The following ZBTB20 variants were observed in gnomAD, a reference collection of about 807,000 sequenced individuals.
ZBTB20 encodes the protein zinc finger and BTB domain containing 20.
In ZBTB20, 9 loss-of-function variants were observed where a neutral mutation model predicts 56.9. That is an observed-to-expected ratio of 0.16 (90% confidence interval 0.10 to 0.28). The LOEUF is 0.28. Among genes scored for constraint, ZBTB20 ranks in the 10% least tolerant of loss-of-function variants. The pLI is 1.00. For synonymous variants in ZBTB20, 417 were observed against 420.7 expected, an observed-to-expected ratio of 0.99 and a Z score of 0.11; for missense variants, 655 against 1,003.0, an observed-to-expected ratio of 0.65 and a Z score of 4.69.
intron 10 of ZBTB20, chr3:114,356,156 A>G (rs935511799): frequency 1.3e-5 from 2 of 152,214 alleles, no homozygotes; most frequent in African/African-American, 2.4e-5. Flanking sequence ...CTGCGAGAGC[A>G]CAACACAGAC....
intron 6 of ZBTB20, among the ~76,000 whole-genome samples, chr3:114,561,655 C>T (rs1451344746): frequency 1.3e-5 from 2 of 151,984 alleles, no homozygotes; most frequent in South Asian, 2.1e-4. Context: ...AACAGATATG[C>T]TCTTGTCCTG....
rs1560070528 is a variant in ZBTB20, at chr3:114,329,495, A to C, written c.*9510T>G. 1 of 152,056 alleles carries C rather than the reference A, an allele frequency of 6.6e-6. No individual in the cohort carries two copies. The highest frequency in any genetic ancestry group is 1.5e-5 in the Non-Finnish European group (1 of 68,012). 9.4% of individuals were successfully genotyped at this position (152,056 alleles called of 1,614,324 possible). ...ATTGTATAGGAAGACAGAATGCCTG[A>C]TTTCTGAAGTTTTCTTGATGGCCCA... On this transcript the variant is annotated 3_prime_UTR_variant, in exon 12 of 12. Transcript: ENST00000675478.
chr3:114,796,140 A>G (rs2071326318), intron 5 of ZBTB20, among the ~76,000 whole-genome samples: 1 of 151,968 alleles, frequency 6.6e-6, no homozygotes. Context: ...CAGGGTCACT[A>G]CAGGTGGTAA....
At chr3:114,359,668 T>A (rs530632421) in intron 10 of ZBTB20, among the ~76,000 whole-genome samples, 1 of 152,326 alleles carries the variant, frequency 6.6e-6, no homozygotes, top group South Asian at 2.1e-4. Flanking sequence ...AATACAGAGA[T>A]GCTACATCCG....
chr3:114,587,367 T>G (rs1199600686), intron 6 of ZBTB20, among the ~76,000 whole-genome samples: 1 of 152,150 alleles, frequency 6.6e-6, no homozygotes, highest in African/African-American at 2.4e-5. Context: ...GTACACTATC[T>G]GGGGAAGCAA....
At chr3:114,408,737 T>G (rs989417601) in intron 7 of ZBTB20, among the ~76,000 whole-genome samples, 6 of 151,876 alleles carry the variant, frequency 4.0e-5, no homozygotes, top group African/African-American at 1.5e-4. Context: ...CCCCAATTTT[T>G]TGCAGTTTAA....
chr3:114,957,632 C>G (rs1037545608), intron 3 of ZBTB20, among the ~76,000 whole-genome samples: 1 of 152,182 alleles, frequency 6.6e-6, no homozygotes, highest in Non-Finnish European at 1.5e-5. Context: ...CAGGATTTAA[C>G]ATCATATCTT....
chr3:114,989,365 T>C (rs1478507568), intron 2 of ZBTB20, among the ~76,000 whole-genome samples: 1 of 152,212 alleles, frequency 6.6e-6, no homozygotes, highest in Non-Finnish European at 1.5e-5. Flanking sequence ...GGGAATCCTT[T>C]CCCTATTTCT....
At chr3:115,103,795 T>G (rs1380770328) in intron 1 of ZBTB20, among the ~76,000 whole-genome samples, 1 of 152,218 alleles carries the variant, frequency 6.6e-6, no homozygotes, top group East Asian at 1.9e-4. Context: ...TCACAATGAC[T>G]ATTTTAGATA....
intron 6 of ZBTB20, among the ~76,000 whole-genome samples, chr3:114,551,569 T>C (rs1042792278): frequency 6.6e-6 from 1 of 152,060 alleles, no homozygotes; most frequent in Non-Finnish European, 1.5e-5. Flanking sequence ...ATTTGATATA[T>C]GGAAATGAAG....
intron 6 of ZBTB20, among the ~76,000 whole-genome samples, chr3:114,690,252 C>T (rs935469704): frequency 2.0e-5 from 3 of 152,026 alleles, no homozygotes; most frequent in African/African-American, 7.2e-5. Flanking sequence ...AAGGGTTAGG[C>T]ACATCAATAT....
At chr3:115,115,291 C>A (rs1319922604) in intron 1 of ZBTB20, among the ~76,000 whole-genome samples, 2 of 151,988 alleles carry the variant, frequency 1.3e-5, no homozygotes, top group African/African-American at 4.8e-5. Context: ...CCATTCAAAT[C>A]GACCACTCCA....
At chr3:114,866,485 G>A (rs1035742133) in intron 4 of ZBTB20, among the ~76,000 whole-genome samples, 13 of 152,148 alleles carry the variant, frequency 8.5e-5, no homozygotes, top group African/African-American at 2.9e-4. Flanking sequence ...TAATTTTATA[G>A]GTCAACTTGA....
chr3:114,607,871 C>A (rs571940133), intron 6 of ZBTB20, among the ~76,000 whole-genome samples: 5 of 152,288 alleles, frequency 3.3e-5, no homozygotes, highest in African/African-American at 1.2e-4. Flanking sequence ...TATATGGTTA[C>A]AGTCCCCAAA....
chr3:114,787,368 T>TACACACACAC lies in ZBTB20; in HGVS notation c.-343+13723_-343+13732dup, dbSNP rs1300106922. 7.5e-5 allele frequency among the ~76,000 whole-genome samples: 8 copies of TACACACACAC among 106,328 alleles called. 1 individual carries two copies. The highest frequency in any genetic ancestry group is 2.7e-4 in the African/African-American group (6 of 22,026). 69.8% of individuals were successfully genotyped at this position (106,328 alleles called of 152,430 possible). A position where few individuals can be genotyped will look rare whatever the true frequency, so the allele number is the denominator to read the frequency against. On this transcript the variant is annotated intron_variant, in intron 5 of 11. Coordinates refer to ENST00000675478, the MANE Select transcript of ZBTB20 (RefSeq NM_001348800.3). ...ATATATATATATATATATATATATA[T>TACACACACAC]ACACACACACACACACACACACACA...
intron 4 of ZBTB20, among the ~76,000 whole-genome samples, chr3:114,826,149 G>A (rs1461333139): frequency 6.6e-6 from 1 of 151,656 alleles, no homozygotes; most frequent in Non-Finnish European, 1.5e-5. Context: ...TGTATACTAA[G>A]GTCACAGGTG....
chr3:114,454,080 G>A (rs1240350929), intron 7 of ZBTB20, among the ~76,000 whole-genome samples: 1 of 150,010 alleles, frequency 6.7e-6, no homozygotes, highest in Non-Finnish European at 1.5e-5. Context: ...GGTTAGAAGA[G>A]GAAAAAAAGA....
chr3:114,529,992 C>T (rs1386830495), intron 6 of ZBTB20, among the ~76,000 whole-genome samples: 2 of 152,116 alleles, frequency 1.3e-5, no homozygotes, highest in South Asian at 4.1e-4. Context: ...TACAATGGAC[C>T]ACATATCTGA....
At chr3:114,938,412 C>T (rs973011794) in intron 3 of ZBTB20, among the ~76,000 whole-genome samples, 2 of 145,976 alleles carry the variant, frequency 1.4e-5, no homozygotes, top group Admixed American at 6.6e-5. Context: ...TTAGGTCTTA[C>T]GTCTAAGTCT....
Sources: gnomAD v4.1 joint callset for allele counts (sites outside exome capture counted in the v4.1 genomes callset) on GRCh38, gnomAD v4.1.1 for gene constraint, MANE v1.5 for transcripts, NCBI Gene and HGNC (gene_info 2026-07-23, HGNC 2026-07-21) for gene names.